Variants in TCF4 observed in about 807,000 individuals in gnomAD.
TCF4 encodes the protein transcription factor 4.
In TCF4, 3 loss-of-function variants were observed where a neutral mutation model predicts 82.1. The observed-to-expected ratio is 0.04, with a 90% CI of 0.02 to 0.09. TCF4 has a LOEUF of 0.09. TCF4 is among the 10% of genes least tolerant of loss of function. The pLI is 1.00. For synonymous variants in TCF4, 276 were observed against 309.6 expected (o/e 0.89, Z 1.14); for missense variants, 518 against 852.7 (o/e 0.61, Z 4.89).
chr18:55,480,377 C>T (rs1166201990), intron 3 of TCF4, among the ~76,000 whole-genome samples: 4 of 145,136 alleles, frequency 2.8e-5, no homozygotes, highest in African/African-American at 7.6e-5. Context: ...CAAAAGGATA[C>T]AAAATGTACA....
In TCF4 at chr18:55,350,748, C is replaced by T. The variant is rs891202455; in HGVS notation, c.499+126G>A. ...AGGGGGGAAGTCTCCAGGCTGACAACTGAGCCAAATTTTATGGTTTTCTTG... is the reference window on the plus strand; with the variant it reads ...AGGGGGGAAGTCTCCAGGCTGACAATTGAGCCAAATTTTATGGTTTTCTTG... On this transcript the variant is annotated intron_variant, in intron 7 of 19. Transcript: ENST00000354452. 169 of 1,414,250 alleles carry T rather than the reference C, an allele frequency of 1.2e-4. No homozygotes were observed. The South Asian group carries it at 1.9e-3, about 16-fold the overall frequency. 87.6% of individuals were successfully genotyped at this position (1,414,250 alleles called of 1,614,324 possible).
At chr18:55,615,755 A>C (rs986034546) in intron 2 of TCF4, among the ~76,000 whole-genome samples, 2 of 152,088 alleles carry the variant, frequency 1.3e-5, no homozygotes, top group African/African-American at 4.8e-5. Flanking sequence ...GTCAACATCA[A>C]ATGAATTTTC....
At chr18:55,375,454 T>C (rs974642085) in intron 6 of TCF4, among the ~76,000 whole-genome samples, 2 of 152,114 alleles carry the variant, frequency 1.3e-5, no homozygotes, top group South Asian at 2.1e-4. Flanking sequence ...AATGAAACAC[T>C]AGAAGATTCT....
chr18:55,478,435 CCT>C (rs1414556117), intron 3 of TCF4, among the ~76,000 whole-genome samples: 2 of 152,178 alleles, frequency 1.3e-5, no homozygotes, highest in Non-Finnish European at 2.9e-5. Flanking sequence ...AGTCACCTAA[CCT>C]TATGTCATTC....
intron 6 of TCF4, among the ~76,000 whole-genome samples, chr18:55,367,248 G>T (rs1336168340): frequency 6.6e-6 from 1 of 152,158 alleles, no homozygotes; most frequent in East Asian, 1.9e-4. Context: ...ATGTGTATGC[G>T]AGTGTGTGTA....
chr18:55,247,064 G>A (rs774429528), intron 15 of TCF4, among the ~76,000 whole-genome samples: 5 of 152,186 alleles, frequency 3.3e-5, no homozygotes, highest in East Asian at 1.9e-4. Flanking sequence ...CTGCATGCCC[G>A]GCTTCTGTGA....
intron 3 of TCF4, among the ~76,000 whole-genome samples, chr18:55,488,437 G>A (rs562552069): frequency 1.2e-4 from 18 of 151,866 alleles, no homozygotes; most frequent in Admixed American, 1.1e-3. Context: ...AGAAGAGGTT[G>A]AGAATTAGGA....
At chr18:55,621,386 G>A (rs2097717889) in intron 2 of TCF4, among the ~76,000 whole-genome samples, 1 of 124,106 alleles carries the variant, frequency 8.1e-6, no homozygotes. Context: ...ATGGGGTACT[G>A]CCTGGTATAT....
In TCF4 at chr18:55,241,576, G is replaced by T. The variant is rs556429153; in HGVS notation, c.1351-6893C>A. 2.6e-5 allele frequency among the ~76,000 whole-genome samples: 4 copies of T among 152,326 alleles called. No homozygotes were observed. The South Asian group carries it at 8.3e-4, about 32-fold the overall frequency. On this transcript the variant is annotated intron_variant, in intron 15 of 19. Coordinates refer to ENST00000354452, the MANE Select transcript of TCF4 (RefSeq NM_001083962.2). The stretch of plus-strand genomic sequence containing the variant: ...ATGCCTGAAGTGCAAGCATACCTGT[G>T]AGAGTGCACAGTCATGCTGCTGACC...
At chr18:55,386,138 C>A (rs2092585612) in intron 6 of TCF4, among the ~76,000 whole-genome samples, 1 of 152,178 alleles carries the variant, frequency 6.6e-6, no homozygotes, top group Admixed American at 6.5e-5. Context: ...CTCCCAGGTA[C>A]CTCCAGAAGC....
At chr18:55,515,330 T>C (rs1256541621) in intron 3 of TCF4, among the ~76,000 whole-genome samples, 1 of 152,106 alleles carries the variant, frequency 6.6e-6, no homozygotes, top group Non-Finnish European at 1.5e-5. Context: ...ATGTACTGAG[T>C]GTTGACTATG....
intron 2 of TCF4, among the ~76,000 whole-genome samples, chr18:55,612,862 C>T (rs569262628): frequency 9.9e-5 from 15 of 152,082 alleles, no homozygotes; most frequent in Non-Finnish European, 1.8e-4. Context: ...GCACGAGAAT[C>T]GCTTGAATTC....
chr18:55,509,813 C>A (rs181327486), intron 3 of TCF4, among the ~76,000 whole-genome samples: 9 of 151,970 alleles, frequency 5.9e-5, no homozygotes, highest in African/African-American at 1.9e-4. Flanking sequence ...GGGAAAGGGG[C>A]GGGGGGAAAT....
intron 8 of TCF4, among the ~76,000 whole-genome samples, chr18:55,305,252 T>C (rs1240246025): frequency 6.6e-6 from 1 of 152,184 alleles, no homozygotes; most frequent in Non-Finnish European, 1.5e-5. Flanking sequence ...ACATTGACTA[T>C]AAACAATTTC....
chr18:55,316,333 A>G (rs1253570958), intron 8 of TCF4, among the ~76,000 whole-genome samples: 1 of 152,164 alleles, frequency 6.6e-6, no homozygotes, highest in Non-Finnish European at 1.5e-5. Flanking sequence ...CTGAATGAGT[A>G]AACAAGAGAT....
intron 2 of TCF4, among the ~76,000 whole-genome samples, chr18:55,609,982 AT>A (rs929564106): frequency 1.1e-3 from 166 of 145,702 alleles, no homozygotes; most frequent in Middle Eastern, 3.6e-3. Flanking sequence ...TTATTTGCTT[AT>A]TTTTTTTTTT....
At chr18:55,552,187 T>G (rs529540188) in intron 3 of TCF4, among the ~76,000 whole-genome samples, 4 of 152,314 alleles carry the variant, frequency 2.6e-5, no homozygotes, top group Admixed American at 2.6e-4. Context: ...TGAGGTCAGG[T>G]ACTAGTTCAT....
At chr18:55,252,157 T>C (rs939401139) in intron 15 of TCF4, among the ~76,000 whole-genome samples, 3 of 152,198 alleles carry the variant, frequency 2.0e-5, no homozygotes, top group Admixed American at 6.5e-5. Flanking sequence ...TGGGGACACG[T>C]TGAATGGTTT....
At chr18:55,448,382 G>A (rs1452669138) in intron 5 of TCF4, among the ~76,000 whole-genome samples, 10 of 152,012 alleles carry the variant, frequency 6.6e-5, no homozygotes, top group African/African-American at 1.2e-4. Flanking sequence ...TTAATTATCC[G>A]CCTAAATGTA....
Sources: allele counts gnomAD v4.1 joint callset (sites outside exome capture counted in the v4.1 genomes callset), GRCh38; gene constraint gnomAD v4.1.1; transcripts MANE v1.5; gene names NCBI Gene and HGNC (gene_info 2026-07-23, HGNC 2026-07-21).